EPS15: variants seen among roughly 807,000 people sequenced by gnomAD.
EPS15 encodes the protein epidermal growth factor receptor substrate 15.
Under a neutral mutation model 113.8 loss-of-function variants are expected in EPS15, and 72 were observed. The observed-to-expected ratio is 0.63, with a 90% CI of 0.52 to 0.77. The LOEUF (loss-of-function observed/expected upper bound fraction) is 0.77. EPS15 is among the 30% of genes least tolerant of loss of function. The pLI is 0.00. For synonymous variants in EPS15, 344 were observed against 363.4 expected, an observed-to-expected ratio of 0.95 and a Z score of 0.61; for missense variants, 1,048 against 1,045.8, an observed-to-expected ratio of 1.00 and a Z score of -0.03.
At chr1:51,491,966 A>G (rs1232122482) in intron 1 of EPS15, among the ~76,000 whole-genome samples, 2 of 150,368 alleles carry the variant, frequency 1.3e-5, no homozygotes, top group Non-Finnish European at 2.9e-5. Context: ...TCCGGGGCTC[A>G]AGTGATTCTT....
intron 1 of EPS15, among the ~76,000 whole-genome samples, chr1:51,489,562 T>C (rs769870010): frequency 1.3e-4 from 20 of 152,170 alleles, no homozygotes; most frequent in Admixed American, 3.9e-4. Flanking sequence ...AGGTGACTAG[T>C]ACAGCATCTT....
At position 51,358,700 on chromosome 1, in the gene EPS15, T is replaced by C. The variant is rs573373676; in HGVS notation, c.2545-1854A>G. 3.6e-4 allele frequency among the ~76,000 whole-genome samples: 52 copies of C among 144,960 alleles called. 1 individual carries two copies. The highest frequency in any genetic ancestry group is 3.5e-3 in the Middle Eastern group (1 of 282). On this transcript the variant is annotated intron_variant, in intron 24 of 24. Coordinates refer to ENST00000371733, the MANE Select transcript of EPS15 (RefSeq NM_001981.3). ...TCAAGACTCCTTCCAACCAGATTTG[T>C]TTTTTTTTGTTTTTTTTTTTTTTTT...
rs375312542 is a variant in EPS15 at position 51,408,121 on chromosome 1, T to G, written c.1473+14A>C. ...GATCCATTTGAATATATTTCTTGCT[T>G]TACAAAGACTTACTGAACTAATTTC... On this transcript the variant is annotated intron_variant, in intron 15 of 24. Transcript: ENST00000371733. 5 of 1,610,634 alleles carry G rather than the reference T, an allele frequency of 3.1e-6. 1 individual carries two copies. The Admixed American group carries it at 5.0e-5, about 16-fold the overall frequency.
intron 14 of EPS15, 51 bp from the exon 15 acceptor site, chr1:51,408,383 C>A: frequency 7.3e-7 from 1 of 1,366,004 alleles, no homozygotes; most frequent in South Asian, 1.2e-5. Flanking sequence ...GAAGAGATGT[C>A]ATTAAAATGT....
chr1:51,491,936 C>T (rs181581258), intron 1 of EPS15, among the ~76,000 whole-genome samples: 61 of 150,932 alleles, frequency 4.0e-4, no homozygotes, highest in African/African-American at 1.4e-3. Context: ...GCACAATCTC[C>T]ACTCACCGCA....
chr1:51,499,578 C>A (rs1397307946), intron 1 of EPS15, among the ~76,000 whole-genome samples: 1 of 152,090 alleles, frequency 6.6e-6, no homozygotes, highest in Non-Finnish European at 1.5e-5. Context: ...TTCCCATGAG[C>A]CATGCACAAG....
At chr1:51,396,554 GTGTTTTAAACAACAGCT>G (rs1185668527) in intron 20 of EPS15, among the ~76,000 whole-genome samples, 6 of 152,136 alleles carry the variant, frequency 3.9e-5, no homozygotes, top group African/African-American at 1.4e-4. Flanking sequence ...CTAACAGGCT[GTGTTTTAAACAACAGCT>G]TGCAGATTTG....
chr1:51,403,843 G>C (rs1039128759), intron 16 of EPS15, among the ~76,000 whole-genome samples: 2 of 152,008 alleles, frequency 1.3e-5, no homozygotes, highest in African/African-American at 4.8e-5. Context: ...ATCACTTATA[G>C]TACTATCATC....
intron 8 of EPS15, among the ~76,000 whole-genome samples, chr1:51,459,904 A>C (rs1654301120): frequency 6.6e-6 from 1 of 152,304 alleles, no homozygotes; most frequent in African/African-American, 2.4e-5. Flanking sequence ...TTAAAGATAA[A>C]GAGAACTGAA....
At chr1:51,386,586 T>G (rs1386373874) in intron 21 of EPS15, among the ~76,000 whole-genome samples, 1 of 152,040 alleles carries the variant, frequency 6.6e-6, no homozygotes. Context: ...GAAGGAAAAC[T>G]AACAAACAGA....
intron 21 of EPS15, among the ~76,000 whole-genome samples, chr1:51,387,296 C>T (rs1246812520): frequency 1.3e-5 from 2 of 152,002 alleles, no homozygotes; most frequent in Admixed American, 1.3e-4. Context: ...ACCAGACCTG[C>T]CCTAAAAGAG....
At chr1:51,361,442 A>T (rs1570075229) in intron 23 of EPS15, 87 bp from the exon 24 acceptor site, 1 of 1,004,468 alleles carries the variant, frequency 1.0e-6, no homozygotes, top group East Asian at 2.4e-5. Context: ...GCATTAAAGT[A>T]CTGTGGGTAG....
rs1191100548 is a variant in EPS15 at position 51,444,809 on chromosome 1, A to G, written c.954+80T>C. ...CCAGATACATTTTCTCTTCTATTTC[A>G]TCCAAATTGAATCTGTAATTCGACA... On this transcript the variant is annotated intron_variant, in intron 11 of 24. Transcript: ENST00000371733. The G allele has an allele frequency of 2.2e-6, 3 of 1,343,934 alleles. No individual in the cohort carries two copies. In the African/African-American group the frequency reaches 4.4e-5, roughly 20 times the overall value. 83.3% of individuals were successfully genotyped at this position (1,343,934 alleles called of 1,614,324 possible).
intron 1 of EPS15, among the ~76,000 whole-genome samples, chr1:51,516,536 T>A (rs772708968): frequency 6.6e-6 from 1 of 152,186 alleles, no homozygotes; most frequent in Non-Finnish European, 1.5e-5. Context: ...TAGACTATAA[T>A]AATTTAGATA....
chr1:51,368,089 G>A (rs550348144), intron 21 of EPS15, among the ~76,000 whole-genome samples: 2 of 152,094 alleles, frequency 1.3e-5, no homozygotes, highest in Non-Finnish European at 2.9e-5. Flanking sequence ...CTGAGATTGC[G>A]CCACTGCACT....
intron 4 of EPS15, among the ~76,000 whole-genome samples, chr1:51,469,824 C>T (rs766924654): frequency 6.6e-6 from 1 of 151,980 alleles, no homozygotes; most frequent in Non-Finnish European, 1.5e-5. Flanking sequence ...GAAAAACTAC[C>T]GCCTATGTCA....
At chr1:51,422,431 T>TA (rs1363377747) in intron 12 of EPS15, among the ~76,000 whole-genome samples, 2 of 152,230 alleles carry the variant, frequency 1.3e-5, no homozygotes, top group African/African-American at 4.8e-5. Flanking sequence ...CAAAAAAAGC[T>TA]ATTTTAGGAC....
chr1:51,508,382 A>AAGAAAG (rs759905974), intron 1 of EPS15, among the ~76,000 whole-genome samples: 1 of 147,000 alleles, frequency 6.8e-6, no homozygotes, highest in East Asian at 2.0e-4. Context: ...GAAAGAAAGA[A>AAGAAAG]AGAGAAAATT....
chr1:51,448,358 T>C (rs1280302561), intron 8 of EPS15, among the ~76,000 whole-genome samples: 2 of 152,100 alleles, frequency 1.3e-5, no homozygotes, highest in East Asian at 3.8e-4. Context: ...TTAGTAAAAA[T>C]TTAGAGACGT....
Sources: gnomAD v4.1 joint callset for allele counts (sites outside exome capture counted in the v4.1 genomes callset) on GRCh38, gnomAD v4.1.1 for gene constraint, MANE v1.5 for transcripts, NCBI Gene and HGNC (gene_info 2026-07-23, HGNC 2026-07-21) for gene names.